Variants in RYR2 observed in about 807,000 individuals in gnomAD.
RYR2 encodes cardiac muscle ryanodine receptor-calcium release channel.
A neutral mutation model predicts 601.1 loss-of-function variants in RYR2; 227 were observed. The ratio of observed to expected loss-of-function variants is 0.38; its 90% CI spans 0.34 to 0.42. The LOEUF (loss-of-function observed/expected upper bound fraction) is 0.42. Among genes scored for constraint, RYR2 ranks in the 10% least tolerant of loss-of-function variants. RYR2 has a pLI of 1.00. For missense variants in RYR2, 4,646 were observed against 6,156.5 expected, an observed-to-expected ratio of 0.75 and a Z score of 8.21; for synonymous variants, 2,223 against 2,175.1, an observed-to-expected ratio of 1.02 and a Z score of -0.61.
chr1:237,333,582 A>G (rs1029013146), intron 3 of RYR2: 4 of 455,872 alleles, frequency 8.8e-6, no homozygotes, highest in Non-Finnish European at 1.3e-5. Context: ...GATATTTTCC[A>G]CTTAACCATT....
intron 8 of RYR2, among the ~76,000 whole-genome samples, chr1:237,386,153 G>A (rs1701939376): frequency 1.3e-5 from 2 of 152,154 alleles, no homozygotes; most frequent in South Asian, 4.2e-4. Flanking sequence ...TTATTGCCAA[G>A]TCTTATGTAT....
chr1:237,317,551 C>T (rs1236031070), intron 2 of RYR2, among the ~76,000 whole-genome samples: 1 of 151,932 alleles, frequency 6.6e-6, no homozygotes, highest in Non-Finnish European at 1.5e-5. Flanking sequence ...ATCCCTGCTA[C>T]ACTCATTTAT....
intron 10 of RYR2, among the ~76,000 whole-genome samples, chr1:237,404,993 C>G (rs1703721726): frequency 6.6e-6 from 1 of 152,174 alleles, no homozygotes; most frequent in Non-Finnish European, 1.5e-5. Context: ...AGGTGGGAAC[C>G]CAGCCCCAAC....
chr1:237,699,074 T>C (rs1035877892), intron 64 of RYR2, 49 bp downstream of exon 64: 14 of 851,022 alleles, frequency 1.6e-5, no homozygotes, highest in East Asian at 2.7e-5. Flanking sequence ...TAATGATACA[T>C]GTATATATAT....
At chr1:237,830,313 A>G in intron 102 of RYR2, 1 of 442,300 alleles carries the variant, frequency 2.3e-6, no homozygotes, top group South Asian at 2.7e-5. Context: ...TGCGTCTGCT[A>G]CTTCTTGCTG....
At chr1:237,416,759 C>CAGAGAGAGAGAGAGAGAGAG (rs5781955) in intron 10 of RYR2, among the ~76,000 whole-genome samples, 9 of 138,912 alleles carry the variant, frequency 6.5e-5, no homozygotes, top group African/African-American at 2.5e-4. Flanking sequence ...AACACACACA[C>CAGAGAGAGAGAGAGAGAGAG]ACACAGAGAG....
intron 21 of RYR2, among the ~76,000 whole-genome samples, chr1:237,502,687 C>G (rs1333141220): frequency 6.6e-6 from 1 of 152,148 alleles, no homozygotes; most frequent in Non-Finnish European, 1.5e-5. Context: ...CTTGCCCACA[C>G]AGCTCACCTC....
At chr1:237,446,796 C>A (rs1708382485) in intron 14 of RYR2, among the ~76,000 whole-genome samples, 1 of 152,132 alleles carries the variant, frequency 6.6e-6, no homozygotes, top group South Asian at 2.1e-4. Flanking sequence ...GGGGTATGCA[C>A]CACATTTTTG....
chr1:237,355,904 A>T (rs979893272), intron 3 of RYR2, 61 bp from the exon 4 acceptor site: 2 of 1,414,722 alleles, frequency 1.4e-6, no homozygotes, highest in Admixed American at 3.9e-5. Context: ...AAATGACAGT[A>T]ATTGAAACAT....
chr1:237,110,183 G>A (rs1364390201), intron 1 of RYR2, among the ~76,000 whole-genome samples: 1 of 152,028 alleles, frequency 6.6e-6, no homozygotes, highest in African/African-American at 2.4e-5. Context: ...GAATCCCCTG[G>A]AAAGCTTGTT....
intron 7 of RYR2, among the ~76,000 whole-genome samples, chr1:237,376,101 G>A (rs961716127): frequency 3.3e-5 from 5 of 152,088 alleles, no homozygotes; most frequent in African/African-American, 1.2e-4. Flanking sequence ...TAAAGCAATG[G>A]TTAGCCAATA....
intron 1 of RYR2, among the ~76,000 whole-genome samples, chr1:237,054,684 G>A (rs57896757): frequency 0.06 from 9,081 of 152,140 alleles, 898 homozygotes; most frequent in African/African-American, 0.2. Flanking sequence ...TGGTTCTTTA[G>A]TGAAGAAATT....
intron 76 of RYR2, 139 bp downstream of exon 76, chr1:237,727,338 C>G (rs1217538582): frequency 2.3e-6 from 1 of 427,622 alleles, no homozygotes; most frequent in Non-Finnish European, 4.2e-6. Flanking sequence ...CTACATAAAA[C>G]TTGACTAATT....
chr1:237,785,892 A>C, intron 90 of RYR2, 77 bp from the exon 91 acceptor site: 2 of 1,004,428 alleles, frequency 2.0e-6, no homozygotes, highest in Admixed American at 2.0e-5. Context: ...GGTTTGACAC[A>C]TGGTCACATG....
At chr1:237,381,795 C>A (rs1453714793) in intron 8 of RYR2, among the ~76,000 whole-genome samples, 1 of 152,092 alleles carries the variant, frequency 6.6e-6, no homozygotes, top group African/African-American at 2.4e-5. Flanking sequence ...GTCTTAAGCT[C>A]TAAAAATGGT....
chr1:237,422,447 T>C (rs551114230), intron 11 of RYR2, among the ~76,000 whole-genome samples: 1 of 152,332 alleles, frequency 6.6e-6, no homozygotes, highest in South Asian at 2.1e-4. Flanking sequence ...ATTTTCTGTT[T>C]ATTACATTTT....
chr1:237,277,293 A>G (rs1690384963), intron 2 of RYR2, among the ~76,000 whole-genome samples: 1 of 152,186 alleles, frequency 6.6e-6, no homozygotes, highest in Admixed American at 6.6e-5. Context: ...TCAGTTCAAA[A>G]TCAGCACTTT....
intron 1 of RYR2, among the ~76,000 whole-genome samples, chr1:237,107,343 A>G (rs1037892013): frequency 1.1e-4 from 17 of 151,214 alleles, no homozygotes; most frequent in Non-Finnish European, 2.5e-4. Context: ...AACACGGTGA[A>G]ACCCCGTCTC....
At chr1:237,168,452 C>T (rs1288724969) in intron 1 of RYR2, among the ~76,000 whole-genome samples, 2 of 152,072 alleles carry the variant, frequency 1.3e-5, no homozygotes, top group East Asian at 3.9e-4. Flanking sequence ...CATAACTCTG[C>T]TCATTGAAGG....
Sources: allele counts gnomAD v4.1 joint callset (sites outside exome capture counted in the v4.1 genomes callset), GRCh38; gene constraint gnomAD v4.1.1; transcripts MANE v1.5; gene names NCBI Gene and HGNC (gene_info 2026-07-23, HGNC 2026-07-21).